Variants in DHTKD1 observed in about 807,000 individuals in gnomAD.
DHTKD1 encodes dehydrogenase E1 and transketolase domain containing 1.
In DHTKD1, 78 loss-of-function variants were observed where a neutral mutation model predicts 101.8. The observed-to-expected ratio is 0.77, with a 90% CI of 0.64 to 0.93. DHTKD1 has a LOEUF of 0.93. Among genes scored for constraint, DHTKD1 ranks in the 40% least tolerant of loss-of-function variants. The pLI is 0.00. For missense variants in DHTKD1, 1,223 were observed against 1,161.7 expected (o/e 1.05, Z -0.77); for synonymous variants, 462 against 450.3 (o/e 1.03, Z -0.33).
intron 11 of DHTKD1, among the ~76,000 whole-genome samples, chr10:12,106,834 C>G (rs764086384): frequency 9.9e-5 from 15 of 152,182 alleles, no homozygotes; most frequent in Non-Finnish European, 2.1e-4. Context: ...TTATGCTTCT[C>G]TGTAACATTT....
At chr10:12,071,241 A>G (rs774373462) in intron 1 of DHTKD1, among the ~76,000 whole-genome samples, 26 of 152,042 alleles carry the variant, frequency 1.7e-4, no homozygotes, top group Non-Finnish European at 3.5e-4. Context: ...CTACGTTCCC[A>G]TTGTCCAAAA....
Position 12,081,607 on chromosome 10 carries a change from A to G in DHTKD1, c.290A>G (p.Gln97Arg), listed in dbSNP as rs747213281. The change falls in exon 2 of 17, where the codon CAG becomes CGG. Residue 97 changes from glutamine to arginine, a missense_variant. Physicochemically the swap from Gln to Arg is conservative, Grantham distance 43 (BLOSUM62 1). Coordinates refer to ENST00000263035, the MANE Select transcript of DHTKD1 (RefSeq NM_018706.7). ...PEIQALVQTL[Q>R]GPFHTAGLLN... ...ATCCAAGCCCTGGTGCAGACACTGC[A>G]GGGACCCTTCCACACGGCAGGTATG... 6.2e-7 allele frequency: 1 copy of G among 1,614,130 alleles called. No individual in the cohort carries two copies. Among genetic ancestry groups the G allele is most frequent in the South Asian group, 1.1e-5 (1 of 91,084 alleles).
chr10:12,085,382 T>C (rs1832882665), intron 3 of DHTKD1, among the ~76,000 whole-genome samples: 1 of 152,192 alleles, frequency 6.6e-6, no homozygotes. Flanking sequence ...CCCTCGTTAC[T>C]TCAACACAAC....
At chr10:12,089,609 A>G (rs1288527921) in intron 5 of DHTKD1, among the ~76,000 whole-genome samples, 1 of 149,896 alleles carries the variant, frequency 6.7e-6, no homozygotes, top group Non-Finnish European at 1.5e-5. Context: ...ACAAGCGTGA[A>G]AAAAAAAAAG....
At chr10:12,088,109 C>T (rs1832931784) in intron 4 of DHTKD1, among the ~76,000 whole-genome samples, 1 of 150,824 alleles carries the variant, frequency 6.6e-6, no homozygotes, top group Non-Finnish European at 1.5e-5. Context: ...CAAGATGCTG[C>T]CTGAATATAA....
rs1051586256 is a variant in DHTKD1 at position 12,121,115 on chromosome 10, G to A, written c.*227G>A. On this transcript the variant is annotated 3_prime_UTR_variant, in exon 17 of 17. Coordinates refer to ENST00000263035, the MANE Select transcript of DHTKD1 (RefSeq NM_018706.7). ...GGCACCTGTGATCCCAGCTTCCTGG[G>A]AGGCTGAGGCAAGAGAATCGCTTGA... is the stretch of plus-strand genomic sequence containing the variant. 1 of 408,524 alleles carries A rather than the reference G, an allele frequency of 2.4e-6. No homozygotes were observed. The highest frequency in any genetic ancestry group is 4.6e-6 in the Non-Finnish European group (1 of 215,192). 25.3% of individuals were successfully genotyped at this position (408,524 alleles called of 1,614,324 possible). A position where few individuals can be genotyped will look rare whatever the true frequency, so the allele number is the denominator to read the frequency against.
chr10:12,077,139 A>T (rs1832745720), intron 1 of DHTKD1, among the ~76,000 whole-genome samples: 1 of 150,446 alleles, frequency 6.6e-6, no homozygotes, highest in African/African-American at 2.4e-5. Flanking sequence ...CTATAAGATG[A>T]AATATATATT....
intron 1 of DHTKD1, among the ~76,000 whole-genome samples, chr10:12,077,169 AT>A (rs1832746274): frequency 6.6e-6 from 1 of 150,700 alleles, no homozygotes; most frequent in Non-Finnish European, 1.5e-5. Context: ...TCATATGTAC[AT>A]ACACAGTGTA....
chr10:12,078,812 G>C (rs560784767), intron 1 of DHTKD1, among the ~76,000 whole-genome samples: 2 of 151,934 alleles, frequency 1.3e-5, no homozygotes, highest in African/African-American at 4.8e-5. Flanking sequence ...CCACAGGCAC[G>C]TGCGACCACA....
At chr10:12,070,993 T>C (rs1429443553) in intron 1 of DHTKD1, among the ~76,000 whole-genome samples, 1 of 152,224 alleles carries the variant, frequency 6.6e-6, no homozygotes, top group Non-Finnish European at 1.5e-5. Context: ...TGTTTTGTCC[T>C]GTAGCATAAC....
At chr10:12,100,285 C>G (rs9424146) in intron 9 of DHTKD1, 23 bp downstream of exon 9, 323 of 229,392 alleles carry the variant, frequency 1.4e-3, no homozygotes, top group East Asian at 2.3e-3. Flanking sequence ...TTTTTTTTTT[C>G]TGTTTTTTTT....
At chr10:12,079,691 G>C (rs79320069) in intron 1 of DHTKD1, among the ~76,000 whole-genome samples, 1 of 151,954 alleles carries the variant, frequency 6.6e-6, no homozygotes, top group Non-Finnish European at 1.5e-5. Context: ...AAAAATAAAA[G>C]GTGAGAGTGG....
At chr10:12,079,884 T>C (rs896925485) in intron 1 of DHTKD1, among the ~76,000 whole-genome samples, 2 of 152,208 alleles carry the variant, frequency 1.3e-5, no homozygotes, top group Non-Finnish European at 2.9e-5. Flanking sequence ...ATTCATTTAT[T>C]TGAGCTATTA....
At chr10:12,109,292 A>C (rs1833293525) in intron 12 of DHTKD1, among the ~76,000 whole-genome samples, 1 of 152,132 alleles carries the variant, frequency 6.6e-6, no homozygotes, top group African/African-American at 2.4e-5. Context: ...AGGTAGACAG[A>C]ACAACAGATA....
intron 7 of DHTKD1, among the ~76,000 whole-genome samples, chr10:12,095,489 C>A (rs951887741): frequency 3.3e-5 from 5 of 151,262 alleles, no homozygotes; most frequent in African/African-American, 7.3e-5. Flanking sequence ...ACCGGCCTGG[C>A]CAACATGGTG....
chr10:12,100,287 G>GTTTTTTTTTTTTTTT (rs57815181), intron 9 of DHTKD1, 25 bp downstream of exon 9: 5,347 of 271,102 alleles, frequency 0.02, 958 homozygotes, highest in African/African-American at 0.032. Context: ...TTTTTTTTCT[G>GTTTTTTTTTTTTTTT]TTTTTTTTTT....
chr10:12,071,499 C>T (rs1163391037), intron 1 of DHTKD1, among the ~76,000 whole-genome samples: 5 of 152,284 alleles, frequency 3.3e-5, no homozygotes, highest in Non-Finnish European at 4.4e-5. Context: ...AGGCCGGGCG[C>T]GGTGGCTCAT....
intron 7 of DHTKD1, among the ~76,000 whole-genome samples, chr10:12,095,812 C>CAAAAAAAAA (rs1185585860): frequency 3.1e-3 from 129 of 41,386 alleles, no homozygotes; most frequent in South Asian, 3.6e-3. Context: ...GACTCCGTCT[C>CAAAAAAAAA]AAAAAAAAAA....
chr10:12,106,666 G>C (rs906749952), intron 11 of DHTKD1, among the ~76,000 whole-genome samples: 1 of 152,136 alleles, frequency 6.6e-6, no homozygotes, highest in Admixed American at 6.6e-5. Context: ...ATGAAAACCC[G>C]CTCCAGTGTC....
Sources: gnomAD v4.1 joint callset for allele counts (sites outside exome capture counted in the v4.1 genomes callset) on GRCh38, gnomAD v4.1.1 for gene constraint, MANE v1.5 for transcripts, NCBI Gene and HGNC (gene_info 2026-07-23, HGNC 2026-07-21) for gene names.